Variants in CACNA1H observed in about 807,000 individuals in gnomAD.
CACNA1H encodes the protein voltage-dependent T-type calcium channel subunit alpha-1H.
Under a neutral mutation model 192.5 loss-of-function variants are expected in CACNA1H, and 149 were observed. The ratio of observed to expected loss-of-function variants is 0.77; its 90% CI spans 0.68 to 0.89. CACNA1H has a LOEUF of 0.89. Among genes scored for constraint, CACNA1H ranks in the 40% least tolerant of loss-of-function variants. The pLI, the probability that CACNA1H is intolerant of heterozygous loss-of-function variation, is 0.00. For synonymous variants in CACNA1H, 2,202 were observed against 1,475.2 expected (o/e 1.49, Z -11.29); for missense variants, 4,257 against 3,423.5 (o/e 1.24, Z -6.08).
rs2141331390 is a variant in CACNA1H at position 1,209,562 on chromosome 16, C to T, written c.3744+150C>T. 4 of 919,576 alleles carry T rather than the reference C, an allele frequency of 4.3e-6. 1 individual carries two copies. The South Asian group carries it at 5.0e-5, about 12-fold the overall frequency. The allele number at this position is 919,576 out of a possible 1,614,324, so 57.0% of individuals were successfully genotyped here. On this transcript the variant is annotated intron_variant, in intron 17 of 34. Coordinates refer to ENST00000348261, the MANE Select transcript of CACNA1H (RefSeq NM_021098.3). ...AAGCAGGCCAGGCCAGGGAGGAATC[C>T]AGCAGTGTTCAGGGATTCAGCCACA...
At chr16:1,206,398 C>G (rs1445287852) in intron 12 of CACNA1H, 109 bp downstream of exon 12, 2 of 1,018,300 alleles carry the variant, frequency 2.0e-6, no homozygotes, top group Non-Finnish European at 2.9e-6. Context: ...ACCAGCAGCC[C>G]CAGAGCATCT....
intron 2 of CACNA1H, among the ~76,000 whole-genome samples, chr16:1,178,345 C>T (rs1965123522): frequency 7.1e-6 from 1 of 141,838 alleles, no homozygotes; most frequent in African/African-American, 2.6e-5. Flanking sequence ...TCTTCTGGTG[C>T]CCCCATATTC....
intron 26 of CACNA1H, among the ~76,000 whole-genome samples, chr16:1,212,786 C>T (rs898306213): frequency 1.3e-5 from 2 of 152,232 alleles, no homozygotes; most frequent in African/African-American, 2.4e-5. Context: ...AACGAGGGGC[C>T]GCCCACACCC....
intron 27 of CACNA1H, among the ~76,000 whole-genome samples, chr16:1,214,383 C>T (rs1054038054): frequency 2.0e-5 from 3 of 152,242 alleles, no homozygotes; most frequent in African/African-American, 7.2e-5. Flanking sequence ...TGAACAGACT[C>T]AGCTCTATGG....
In CACNA1H at chr16:1,211,211, C is replaced by G; in HGVS notation, c.4267C>G (p.Leu1423Val). Residue 1423 changes from leucine to valine, a missense_variant, in exon 22 of 35, where the codon CTG becomes GTG. Physicochemically the swap from Leu to Val is conservative, Grantham distance 32. Coordinates refer to ENST00000348261, the MANE Select transcript of CACNA1H (RefSeq NM_021098.3). ...APGLKLVVET[L>V]ISSLRPIGNI... ...GGGCCTCAAGCTGGTGGTGGAGACGCTGATATCATCACTCAGGCCCATTGG... is the reference window on the plus strand; with the variant it reads ...GGGCCTCAAGCTGGTGGTGGAGACGGTGATATCATCACTCAGGCCCATTGG... 6.2e-7 allele frequency: 1 copy of G among 1,613,050 alleles called. No individual in the cohort carries two copies. Among genetic ancestry groups the G allele is most frequent in the Non-Finnish European group, 8.5e-7 (1 of 1,179,756 alleles).
chr16:1,211,556 G>T lies in CACNA1H; in HGVS notation c.4426G>T (p.Ala1476Ser). ...NISTKAQCRA[A>S]HYRWVRRKYN... is the part of the protein sequence containing the mutation. ...CTCCACCAAGGCACAGTGCCGGGCC[G>T]CCCACTACCGCTGGGTGCGACGCAA... is the stretch of plus-strand genomic sequence containing the variant. Residue 1476 changes from alanine to serine, a missense_variant, in exon 23 of 35, where the codon GCC becomes TCC. Physicochemically the swap from Ala to Ser is moderately conservative, Grantham distance 99. Transcript: ENST00000348261. 1.2e-6 allele frequency: 2 copies of T among 1,611,870 alleles called. No individual in the cohort carries two copies. Among genetic ancestry groups the T allele is most frequent in the Non-Finnish European group, 1.7e-6 (2 of 1,179,492 alleles).
chr16:1,214,544 C>T (rs942416070), intron 27 of CACNA1H, among the ~76,000 whole-genome samples: 7 of 152,198 alleles, frequency 4.6e-5, no homozygotes, highest in African/African-American at 1.7e-4. Flanking sequence ...CCAGCCCAGG[C>T]TGCATACCGT....
intron 12 of CACNA1H, 29 bp from the exon 13 acceptor site, chr16:1,206,972 C>A (rs974506237): frequency 2.2e-6 from 3 of 1,388,704 alleles, no homozygotes; most frequent in Admixed American, 2.0e-5. Flanking sequence ...CTGCCTCCAC[C>A]CTCAACACGC....
chr16:1,164,620 C>A lies in CACNA1H; in HGVS notation c.299+10584C>A, dbSNP rs116921758. Among the ~76,000 whole-genome samples the A allele has an allele frequency of 5.7e-3, 861 of 152,384 alleles. 3 individuals are homozygous for A. Among genetic ancestry groups the A allele is most frequent in the Non-Finnish European group, 8.5e-3 (575 of 68,036 alleles). On this transcript the variant is annotated intron_variant, in intron 2 of 34. Coordinates refer to ENST00000348261, the MANE Select transcript of CACNA1H (RefSeq NM_021098.3). ...CGGGCGGTGCCGAGCGTGGCTACAC[C>A]AGGCTCACTGCTGCACAGAATGGGG... is the stretch of plus-strand genomic sequence containing the variant.
Position 1,221,585 on chromosome 16 carries a change from G to A in CACNA1H, c.*591G>A, listed in dbSNP as rs951840946. ...GCCGACCCCATGGAGTAACGCGCCCGGCCCCGATGCGAATCAGGCCTCCCC... is the reference window on the plus strand; with the variant it reads ...GCCGACCCCATGGAGTAACGCGCCCAGCCCCGATGCGAATCAGGCCTCCCC... On this transcript the variant is annotated 3_prime_UTR_variant, in exon 35 of 35. Coordinates refer to ENST00000348261, the MANE Select transcript of CACNA1H (RefSeq NM_021098.3). 4.7e-5 allele frequency: 28 copies of A among 592,016 alleles called. No individual in the cohort carries two copies. Among genetic ancestry groups the A allele is most frequent in the Middle Eastern group, 4.5e-4 (1 of 2,208 alleles). The allele number at this position is 592,016 out of a possible 1,614,324, so 36.7% of individuals were successfully genotyped here.
chr16:1,191,267 C>T (rs1382944214), intron 2 of CACNA1H, among the ~76,000 whole-genome samples: 4 of 95,664 alleles, frequency 4.2e-5, no homozygotes, highest in East Asian at 3.5e-4. Flanking sequence ...GCTGGCCTGG[C>T]TGTGTGGCCT....
intron 9 of CACNA1H, among the ~76,000 whole-genome samples, chr16:1,202,723 C>T (rs886636289): frequency 2.0e-5 from 3 of 152,236 alleles, no homozygotes; most frequent in Admixed American, 6.5e-5. Context: ...CAAGGCTTGT[C>T]AGACCCTCCT....
intron 5 of CACNA1H, among the ~76,000 whole-genome samples, chr16:1,198,122 C>T (rs554275897): frequency 2.0e-5 from 3 of 152,150 alleles, no homozygotes; most frequent in Non-Finnish European, 2.9e-5. Flanking sequence ...CAGCCCACCA[C>T]CTGAGGTTCT....
chr16:1,214,201 A>G (rs1291228520), intron 27 of CACNA1H, among the ~76,000 whole-genome samples: 4 of 151,830 alleles, frequency 2.6e-5, no homozygotes, highest in African/African-American at 9.7e-5. Flanking sequence ...AGGGGCTGGC[A>G]GGACGTGAGC....
intron 8 of CACNA1H, among the ~76,000 whole-genome samples, chr16:1,201,211 C>T (rs8044618): frequency 0.34 from 50,968 of 151,898 alleles, 9,336 homozygotes; most frequent in Non-Finnish European, 0.42. Context: ...CTAGAGCCAC[C>T]CTGCGGGGAC....
chr16:1,196,733 G>A (rs568570789), intron 5 of CACNA1H, among the ~76,000 whole-genome samples: 4 of 152,262 alleles, frequency 2.6e-5, no homozygotes, highest in Non-Finnish European at 5.9e-5. Flanking sequence ...GAGGGGAGGC[G>A]GAGGAAGAGC....
Position 1,207,751 on chromosome 16 carries a change from T to A in CACNA1H, c.3064-19T>A, listed in dbSNP as rs1322960336. 2 of 1,579,702 alleles carry A rather than the reference T, an allele frequency of 1.3e-6. No homozygotes were observed. The highest frequency in any genetic ancestry group is 2.7e-5 in the African/African-American group (2 of 74,032). ...CTCACGGGGCCCCTCATGCCTGCCTTGTGCTTTGTTGGGTTTAGGGCGATG... is the reference window on the plus strand; with the variant it reads ...CTCACGGGGCCCCTCATGCCTGCCTAGTGCTTTGTTGGGTTTAGGGCGATG... On this transcript the variant is annotated intron_variant, in intron 14 of 34. Coordinates refer to ENST00000348261, the MANE Select transcript of CACNA1H (RefSeq NM_021098.3).
At chr16:1,166,766 A>ACTCCTCCCCGCAGAGCCCTGT (rs1963827054) in intron 2 of CACNA1H, among the ~76,000 whole-genome samples, 1 of 151,730 alleles carries the variant, frequency 6.6e-6, no homozygotes, top group Non-Finnish European at 1.5e-5. Context: ...CAGAGCCCTG[A>ACTCCTCCCCGCAGAGCCCTGT]CCCTTCCACG....
chr16:1,174,190 C>G (rs1179424667), intron 2 of CACNA1H, among the ~76,000 whole-genome samples: 1 of 152,166 alleles, frequency 6.6e-6, no homozygotes, highest in African/African-American at 2.4e-5. Flanking sequence ...GAGGTCCTGG[C>G]GGCCTCAGTT....
Sources: gnomAD v4.1 joint callset for allele counts (sites outside exome capture counted in the v4.1 genomes callset) on GRCh38, gnomAD v4.1.1 for gene constraint, MANE v1.5 for transcripts, NCBI Gene and HGNC (gene_info 2026-07-23, HGNC 2026-07-21) for gene names.